Variants in ETV5 observed in about 807,000 individuals in gnomAD.
The protein encoded by ETV5 is ETS variant transcription factor 5, also known as ETS translocation variant 5.
ETV5 carries 10 observed loss-of-function variants against 70.0 expected under a neutral mutation model. The ratio of observed to expected loss-of-function variants is 0.14; its 90% CI spans 0.09 to 0.24. The LOEUF (loss-of-function observed/expected upper bound fraction) is 0.24, where lower values mean the gene tolerates loss of function less well. Among genes scored for constraint, ETV5 ranks in the 10% least tolerant of loss-of-function variants. The pLI, the probability that ETV5 is intolerant of heterozygous loss-of-function variation, is 1.00. For synonymous variants in ETV5, 216 were observed against 242.2 expected, an observed-to-expected ratio of 0.89 and a Z score of 1.01; for missense variants, 453 against 651.2, an observed-to-expected ratio of 0.70 and a Z score of 3.31.
In ETV5 at chr3:186,057,509, A is replaced by C. The variant is rs1244229577; in HGVS notation, c.971-18T>G. Reference sequence around the variant, plus strand: ...TGAAAAACCTGAAAGAGAATTTAAAAGAAAGACTACGTTGCTTAACAAATT... The same window carrying C: ...TGAAAAACCTGAAAGAGAATTTAAACGAAAGACTACGTTGCTTAACAAATT... On this transcript the variant is annotated intron_variant, in intron 9 of 12. Transcript: ENST00000306376. The surrounding 1 kb of genome is among the most constrained non-coding windows in gnomAD (Gnocchi z 4.9). 1 of 1,599,784 alleles carries C rather than the reference A, an allele frequency of 6.3e-7. No homozygotes were observed. Among genetic ancestry groups the C allele is most frequent in the Non-Finnish European group, 8.6e-7 (1 of 1,166,982 alleles).
intron 5 of ETV5, among the ~76,000 whole-genome samples, chr3:186,099,953 G>A (rs1714409990): frequency 6.6e-6 from 1 of 152,194 alleles, no homozygotes; most frequent in Non-Finnish European, 1.5e-5. Flanking sequence ...GAAAAATTCA[G>A]TTTTAAATAA....
In ETV5 at chr3:186,047,774, C is replaced by G; in HGVS notation, c.*865G>C. On this transcript the variant is annotated 3_prime_UTR_variant, in exon 13 of 13. Transcript: ENST00000306376. ...GGCTAAAGGACACAGTGCACAGTTA[C>G]CAAAAGGTTTGTTTTTGTTTTTTGT... 1 of 214,516 alleles carries G rather than the reference C, an allele frequency of 4.7e-6. No homozygotes were observed. Among genetic ancestry groups the G allele is most frequent in the South Asian group, 2.0e-4 (1 of 4,954 alleles). The allele number at this position is 214,516 out of a possible 1,614,324, so 13.3% of individuals were successfully genotyped here.
chr3:186,064,551 G>T, intron 8 of ETV5, 75 bp from the exon 9 acceptor site: 1 of 1,442,606 alleles, frequency 6.9e-7, no homozygotes, highest in Non-Finnish European at 9.8e-7. Flanking sequence ...GTCAACTGCA[G>T]CTCTGTGGTA....
At chr3:186,080,309 T>C (rs1246014063) in intron 6 of ETV5, among the ~76,000 whole-genome samples, 13 of 151,986 alleles carry the variant, frequency 8.6e-5, no homozygotes, top group Non-Finnish European at 1.5e-5. Context: ...GTTTAACACT[T>C]CTAGTGATTT....
chr3:186,062,662 A>T (rs933950344), intron 9 of ETV5, among the ~76,000 whole-genome samples: 7 of 152,148 alleles, frequency 4.6e-5, no homozygotes, highest in African/African-American at 1.4e-4. Context: ...TCTATCCTAT[A>T]GGGCTGCTAT....
chr3:186,060,096 T>C (rs1713267697), intron 9 of ETV5, among the ~76,000 whole-genome samples: 1 of 152,228 alleles, frequency 6.6e-6, no homozygotes, highest in South Asian at 2.1e-4. Context: ...TCCGGTGATG[T>C]TTTAATGGTC....
At chr3:186,071,814 T>C (rs1398996829) in intron 7 of ETV5, among the ~76,000 whole-genome samples, 9 of 150,704 alleles carry the variant, frequency 6.0e-5, no homozygotes, top group Non-Finnish European at 1.0e-4. Flanking sequence ...CGTTTCACCG[T>C]TGACATGGAG....
chr3:186,105,222 C>G lies in ETV5; in HGVS notation c.232+83G>C. 3.3e-6 allele frequency: 4 copies of G among 1,199,968 alleles called. No homozygotes were observed. The highest frequency in any genetic ancestry group is 4.8e-6 in the Non-Finnish European group (4 of 833,266). 74.3% of individuals were successfully genotyped at this position (1,199,968 alleles called of 1,614,324 possible). A position where few individuals can be genotyped will look rare whatever the true frequency, so the allele number is the denominator to read the frequency against. On this transcript the variant is annotated intron_variant, in intron 5 of 12. Coordinates refer to ENST00000306376, the MANE Select transcript of ETV5 (RefSeq NM_004454.3). This position sits in a 1 kb window ranked among gnomAD's most constrained non-coding sequence, Gnocchi z 4.5. ...TACTACTGTCTAAATCTGGCCATAG[C>G]TGAAAAAAGCATATTCTAGACATGG...
chr3:186,048,864 C>A lies in ETV5; in HGVS notation c.1312-4G>T, dbSNP rs778017956. 1.2e-6 allele frequency: 2 copies of A among 1,612,266 alleles called. No individual in the cohort carries two copies. The highest frequency in any genetic ancestry group is 2.2e-5 in the South Asian group (2 of 90,818). ...AGACGTATCGCTCTCCAGCCACCTGCGGGAGAACACACACCTTACAGGGCC... is the reference window on the plus strand; with the variant it reads ...AGACGTATCGCTCTCCAGCCACCTGAGGGAGAACACACACCTTACAGGGCC... On this transcript the variant is annotated splice_region_variant and splice_polypyrimidine_tract_variant and intron_variant, in intron 12 of 12. Transcript: ENST00000306376.
At chr3:186,074,756 A>T (rs1485105619) in intron 7 of ETV5, among the ~76,000 whole-genome samples, 1 of 151,646 alleles carries the variant, frequency 6.6e-6, no homozygotes, top group African/African-American at 2.4e-5. Context: ...TCTACTAAAA[A>T]TATAAAAATT....
intron 7 of ETV5, among the ~76,000 whole-genome samples, chr3:186,073,566 A>G (rs1208662622): frequency 6.6e-6 from 1 of 152,334 alleles, no homozygotes; most frequent in East Asian, 1.9e-4. Flanking sequence ...TACTCTCTGG[A>G]TGAGAGATAA....
At chr3:186,088,577 C>A (rs891699361) in intron 5 of ETV5, among the ~76,000 whole-genome samples, 2 of 152,128 alleles carry the variant, frequency 1.3e-5, no homozygotes, top group Non-Finnish European at 1.5e-5. Flanking sequence ...GTCCGAGACA[C>A]CTGCCCATAC....
Position 186,105,891 on chromosome 3 carries a change from C to T in ETV5, c.-23G>A. 6.2e-7 allele frequency: 1 copy of T among 1,612,990 alleles called. No homozygotes were observed. The highest frequency in any genetic ancestry group is 8.5e-7 in the Non-Finnish European group (1 of 1,179,522). ...CATGGTGCTTTCAGCGTCTCTAATA[C>T]CACTTTGAGAGGTTTCAGCATTGAG... On this transcript the variant is annotated 5_prime_UTR_variant, in exon 2 of 13. Coordinates refer to ENST00000306376, the MANE Select transcript of ETV5 (RefSeq NM_004454.3). This position sits in a 1 kb window ranked among gnomAD's most constrained non-coding sequence, Gnocchi z 4.5.
At position 186,057,272 on chromosome 3, in the gene ETV5, A is replaced by G; in HGVS notation, c.1040-28T>C. The stretch of plus-strand genomic sequence containing the variant: ...GTTTGGGACAAGGACACATCACACA[A>G]TAGCTTAGTCCTAAGTTTCTCAGGT... On this transcript the variant is annotated intron_variant, in intron 10 of 12. Transcript: ENST00000306376. The surrounding 1 kb of genome is among the most constrained non-coding windows in gnomAD (Gnocchi z 4.9). 6.2e-7 allele frequency: 1 copy of G among 1,613,682 alleles called. No homozygotes were observed. Among genetic ancestry groups the G allele is most frequent in the Non-Finnish European group, 8.5e-7 (1 of 1,179,658 alleles).
At chr3:186,060,389 G>A (rs1713276056) in intron 9 of ETV5, among the ~76,000 whole-genome samples, 1 of 152,182 alleles carries the variant, frequency 6.6e-6, no homozygotes, top group Non-Finnish European at 1.5e-5. Flanking sequence ...TGGTTTAAGT[G>A]AAATTTAAGT....
intron 7 of ETV5, chr3:186,079,116 C>CA: frequency 9.4e-7 from 1 of 1,061,942 alleles, no homozygotes; most frequent in Non-Finnish European, 1.1e-6. Flanking sequence ...GACAGGCCCC[C>CA]AGCACATCTT....
chr3:186,066,454 G>C (rs1426766946), intron 7 of ETV5, among the ~76,000 whole-genome samples: 2 of 151,926 alleles, frequency 1.3e-5, no homozygotes, highest in Admixed American at 1.3e-4. Context: ...CTCACCTATA[G>C]ATAGAAGGAA....
chr3:186,082,466 C>A (rs983230489), intron 5 of ETV5, among the ~76,000 whole-genome samples: 3 of 146,100 alleles, frequency 2.1e-5, no homozygotes, highest in Non-Finnish European at 3.0e-5. Flanking sequence ...CTTACTCTGT[C>A]GCCCAGGCTG....
chr3:186,103,388 C>T (rs1357057829), intron 5 of ETV5, among the ~76,000 whole-genome samples: 3 of 152,206 alleles, frequency 2.0e-5, no homozygotes, highest in African/African-American at 7.2e-5. Context: ...CATACCCTTG[C>T]TTCAGCACAT....
Sources: gnomAD v4.1 joint callset for allele counts (sites outside exome capture counted in the v4.1 genomes callset) on GRCh38, gnomAD v4.1.1 for gene constraint, Gnocchi (gnomAD v3.1) non-coding constraint, MANE v1.5 for transcripts, NCBI Gene and HGNC (gene_info 2026-07-23, HGNC 2026-07-21) for gene names.